PLAG1: variants seen among roughly 807,000 people sequenced by gnomAD.
PLAG1 encodes zinc finger protein PLAG1.
In PLAG1, 7 loss-of-function variants were observed where a neutral mutation model predicts 35.5. The observed-to-expected ratio is 0.20, with a 90% CI of 0.11 to 0.37. The LOEUF (loss-of-function observed/expected upper bound fraction) is 0.37. Ranked by LOEUF, PLAG1 falls within the 10% of genes least tolerant of loss-of-function variation. PLAG1 has a pLI of 1.00. For synonymous variants in PLAG1, 229 were observed against 225.4 expected (o/e 1.02, Z -0.14); for missense variants, 454 against 602.8 (o/e 0.75, Z 2.58).
Position 56,166,677 on chromosome 8 carries a change from C to G in PLAG1, c.1069G>C (p.Glu357Gln). ...CCTTGTAACTCCATCAGGTAACTCT[C>G]AATTTCCCCCTTTAATGGCTGTTCT... ...EKEQPLKGEIESYLMELQGGV... is the reference protein window; with the variant it reads ...EKEQPLKGEIQSYLMELQGGV... Residue 357 changes from glutamate to glutamine, a missense_variant, in exon 5 of 5, where the codon GAG becomes CAG. By Grantham distance (29) the Glu-to-Gln change is conservative. Around this residue, in one of 4 missense-constraint regions of PLAG1, gnomAD observed 271 missense variants for 315.6 expected, o/e 0.86. Transcript: ENST00000316981. 1 of 1,614,062 alleles carries G rather than the reference C, an allele frequency of 6.2e-7. No homozygotes were observed. The highest frequency in any genetic ancestry group is 2.2e-5 in the East Asian group (1 of 44,864).
chr8:56,169,507 A>G (rs1811454919), intron 3 of PLAG1, among the ~76,000 whole-genome samples: 1 of 152,148 alleles, frequency 6.6e-6, no homozygotes, highest in South Asian at 2.1e-4. Context: ...CAAAGTTCCA[A>G]TTCCTCAACG....
intron 1 of PLAG1, among the ~76,000 whole-genome samples, chr8:56,183,452 G>A (rs975069174): frequency 3.9e-5 from 6 of 152,130 alleles, no homozygotes; most frequent in Admixed American, 6.5e-5. Context: ...AGCAGTTAAA[G>A]AATACTAAGT....
intron 1 of PLAG1, among the ~76,000 whole-genome samples, chr8:56,210,162 A>G (rs574318195): frequency 1.2e-3 from 180 of 152,266 alleles, no homozygotes; most frequent in African/African-American, 3.9e-3. Context: ...AAAAATAAAT[A>G]AATATTAACT....
intron 1 of PLAG1, among the ~76,000 whole-genome samples, chr8:56,200,850 T>C (rs565112912): frequency 6.6e-6 from 1 of 152,320 alleles, no homozygotes; most frequent in South Asian, 2.1e-4. Flanking sequence ...TCATTTAGCA[T>C]TTTAAAAAAC....
In PLAG1 at chr8:56,165,840, CA is replaced by C. The variant is rs1157757035; in HGVS notation, c.*402del. The C allele has an allele frequency of 5.1e-6, 1 of 197,476 alleles. No individual in the cohort carries two copies. Among genetic ancestry groups the C allele is most frequent in the Non-Finnish European group, 1.0e-5 (1 of 95,478 alleles). 12.2% of individuals were successfully genotyped at this position (197,476 alleles called of 1,614,324 possible). ...TTGAGTTATTCACAAACTTTTTATA[CA>C]ATTTACATTCTATTGCTAAATTTTT... On this transcript the variant is annotated 3_prime_UTR_variant, in exon 5 of 5. Coordinates refer to ENST00000316981, the MANE Select transcript of PLAG1 (RefSeq NM_002655.3).
chr8:56,172,696 AAAG>A, intron 2 of PLAG1, among the ~76,000 whole-genome samples: 1 of 152,288 alleles, frequency 6.6e-6, no homozygotes, highest in East Asian at 1.9e-4. Context: ...TATGTGTGAT[AAAG>A]AAGGGATGAA....
At chr8:56,198,375 C>A (rs763867784) in intron 1 of PLAG1, among the ~76,000 whole-genome samples, 3 of 152,202 alleles carry the variant, frequency 2.0e-5, no homozygotes, top group African/African-American at 4.8e-5. Context: ...CCCAGCAACA[C>A]GCCTCTCAAA....
chr8:56,187,255 A>C (rs1812048187), intron 1 of PLAG1, among the ~76,000 whole-genome samples: 1 of 152,118 alleles, frequency 6.6e-6, no homozygotes, highest in South Asian at 2.1e-4. Context: ...AGGTCTTTCC[A>C]TCATCTCAGG....
At chr8:56,176,480 T>C (rs1381831636) in intron 2 of PLAG1, among the ~76,000 whole-genome samples, 3 of 151,978 alleles carry the variant, frequency 2.0e-5, no homozygotes, top group African/African-American at 4.8e-5. Flanking sequence ...ATACAATGGG[T>C]GGTACAACAC....
chr8:56,191,950 G>T (rs984121362), intron 1 of PLAG1, among the ~76,000 whole-genome samples: 1 of 152,154 alleles, frequency 6.6e-6, no homozygotes, highest in Admixed American at 6.5e-5. Flanking sequence ...TAGGCAAAAC[G>T]ATAACAAGTT....
chr8:56,205,415 G>A (rs1056131633), intron 1 of PLAG1, among the ~76,000 whole-genome samples: 4 of 151,764 alleles, frequency 2.6e-5, no homozygotes, highest in African/African-American at 9.7e-5. Flanking sequence ...AATCTAAGAA[G>A]AGAAGGAAGG....
Position 56,164,028 on chromosome 8 carries a change from A to G in PLAG1, c.*2215T>C, listed in dbSNP as rs1203054466. ...CAATCTGTTTCATAGAAACTAAAGG[A>G]AGCAGTAATGAAGCAGAGCGAAAAG... is the stretch of plus-strand genomic sequence containing the variant. On this transcript the variant is annotated 3_prime_UTR_variant, in exon 5 of 5. Transcript: ENST00000316981. 1.1e-5 allele frequency: 2 copies of G among 185,694 alleles called. No individual in the cohort carries two copies. Among genetic ancestry groups the G allele is most frequent in the Non-Finnish European group, 2.3e-5 (2 of 87,496 alleles). 11.5% of individuals were successfully genotyped at this position (185,694 alleles called of 1,614,324 possible).
chr8:56,163,209 C>CT lies in PLAG1; in HGVS notation c.*3033_*3034insA, dbSNP rs1811258257. On this transcript the variant is annotated 3_prime_UTR_variant, in exon 5 of 5. Coordinates refer to ENST00000316981, the MANE Select transcript of PLAG1 (RefSeq NM_002655.3). ...AAACTACTTTTATTTAATGTTAATC[C>CT]CTTTTTTTTTTTTTTTTTTTTTTTT... The CT allele has an allele frequency of 5.9e-6, 1 of 168,632 alleles. No individual in the cohort carries two copies. Among genetic ancestry groups the CT allele is most frequent in the Non-Finnish European group, 1.2e-5 (1 of 82,600 alleles). 10.4% of individuals were successfully genotyped at this position (168,632 alleles called of 1,614,324 possible).
chr8:56,179,925 T>C (rs1811816048), intron 1 of PLAG1, among the ~76,000 whole-genome samples: 1 of 152,146 alleles, frequency 6.6e-6, no homozygotes, highest in Non-Finnish European at 1.5e-5. Context: ...CCATGAGTGC[T>C]TTCCTCAGTC....
chr8:56,209,157 T>A (rs1322947012), intron 1 of PLAG1: 2 of 152,252 alleles, frequency 1.3e-5, no homozygotes, highest in East Asian at 3.8e-4. Context: ...CACAGCTCTT[T>A]GATCTCACTG....
chr8:56,166,599 C>G lies in PLAG1; in HGVS notation c.1147G>C (p.Gly383Arg). ...DSQASSSSKL[G>R]LDPQIGSLDD... ...AGGGACCCAATCTGAGGATCCAACC[C>G]TAGCTTAGATGATGACGATGCTTGA... is the stretch of plus-strand genomic sequence containing the variant. The change falls in exon 5 of 5, where the codon GGG becomes CGG. Residue 383 changes from glycine to arginine, a missense_variant. This residue lies in a region of PLAG1 where 271 missense variants were observed against 315.6 expected (regional missense o/e 0.86). Coordinates refer to ENST00000316981, the MANE Select transcript of PLAG1 (RefSeq NM_002655.3). 1 of 1,613,972 alleles carries G rather than the reference C, an allele frequency of 6.2e-7. No homozygotes were observed. The highest frequency in any genetic ancestry group is 1.1e-5 in the South Asian group (1 of 91,062).
chr8:56,193,720 C>T (rs867352882), intron 1 of PLAG1, among the ~76,000 whole-genome samples: 22 of 125,008 alleles, frequency 1.8e-4, no homozygotes, highest in South Asian at 5.2e-4. Flanking sequence ...TTTTTTGAGA[C>T]GGAGTCTCAC....
intron 1 of PLAG1, among the ~76,000 whole-genome samples, chr8:56,209,866 A>G (rs1475993352): frequency 6.6e-6 from 1 of 152,190 alleles, no homozygotes; most frequent in Non-Finnish European, 1.5e-5. Flanking sequence ...AATGCAATCT[A>G]AAGCCGGAAA....
At chr8:56,170,719 T>TA (rs1377560248) in intron 3 of PLAG1, among the ~76,000 whole-genome samples, 2 of 152,054 alleles carry the variant, frequency 1.3e-5, no homozygotes, top group African/African-American at 4.8e-5. Flanking sequence ...TCTAAGTTAT[T>TA]AAAAAAAATT....
Sources: gnomAD v4.1 joint callset for allele counts (sites outside exome capture counted in the v4.1 genomes callset) on GRCh38, gnomAD v4.1.1 for gene constraint, gnomAD v4.1.1 regional missense constraint, MANE v1.5 for transcripts, NCBI Gene and HGNC (gene_info 2026-07-23, HGNC 2026-07-21) for gene names.